MOXD1: variants seen among roughly 807,000 people sequenced by gnomAD.
The protein encoded by MOXD1 is monooxygenase DBH like 1, also known as DBH-like monooxygenase protein 1.
A neutral mutation model predicts 66.6 loss-of-function variants in MOXD1; 62 were observed. The observed-to-expected ratio is 0.93, with a 90% confidence interval of 0.76 to 1.15. The LOEUF (loss-of-function observed/expected upper bound fraction) is 1.15, where lower values mean the gene tolerates loss of function less well. MOXD1 is among the 50% of genes most tolerant of loss of function. The pLI, the probability that MOXD1 is intolerant of heterozygous loss-of-function variation, is 0.00. For missense variants in MOXD1, 847 were observed against 754.6 expected (o/e 1.12, Z -1.44); for synonymous variants, 303 against 281.9 (o/e 1.07, Z -0.75).
intron 7 of MOXD1, among the ~76,000 whole-genome samples, chr6:132,323,150 A>C (rs1340239506): frequency 6.6e-6 from 1 of 152,214 alleles, no homozygotes; most frequent in African/African-American, 2.4e-5. Flanking sequence ...ATAAGAGGCA[A>C]TAAACATTCT....
chr6:132,373,492 G>A (rs901833688), intron 2 of MOXD1, among the ~76,000 whole-genome samples: 8 of 152,108 alleles, frequency 5.3e-5, no homozygotes, highest in African/African-American at 7.2e-5. Flanking sequence ...CTAGTCACAC[G>A]TATACATTTA....
intron 4 of MOXD1, among the ~76,000 whole-genome samples, chr6:132,334,394 C>T (rs773363895): frequency 6.6e-6 from 1 of 152,174 alleles, no homozygotes; most frequent in Non-Finnish European, 1.5e-5. Flanking sequence ...AGTTGCTCAG[C>T]CAGCCATTTT....
At position 132,305,008 on chromosome 6, in the gene MOXD1, G is replaced by A. The variant is rs1562276866; in HGVS notation, c.1509-7053C>T. The stretch of plus-strand genomic sequence containing the variant: ...CTGCTTAAGCCTACCAAACTCCCGA[G>A]GGCAGGGTCGATCAGCACCGCAGCT... On this transcript the variant is annotated intron_variant, in intron 10 of 11. Transcript: ENST00000367963. 2.6e-5 allele frequency among the ~76,000 whole-genome samples: 4 copies of A among 152,180 alleles called. 1 individual carries two copies. The highest frequency in any genetic ancestry group is 9.7e-5 in the African/African-American group (4 of 41,444).
chr6:132,330,910 T>C (rs534489815), intron 4 of MOXD1, among the ~76,000 whole-genome samples: 1 of 152,314 alleles, frequency 6.6e-6, no homozygotes, highest in South Asian at 2.1e-4. Context: ...CTGTGTTACA[T>C]AGCGAGTCAT....
chr6:132,392,697 A>G (rs573546287), intron 1 of MOXD1, among the ~76,000 whole-genome samples: 1 of 152,352 alleles, frequency 6.6e-6, no homozygotes, highest in African/African-American at 2.4e-5. Flanking sequence ...GGCAGCATTC[A>G]AGGGAAATGT....
rs374751992 is a variant in MOXD1, at chr6:132,328,063, G to T, written c.896C>A (p.Pro299Gln). Residue 299 changes from proline (P) to glutamine (Q), a missense_variant, in exon 6 of 12, where the codon CCG (proline) becomes CAG (glutamine). By Grantham distance (76) the Pro-to-Gln change is moderately conservative (BLOSUM62 -1). Transcript: ENST00000367963. The stretch of plus-strand genomic sequence containing the variant: ...ATGGACTTCTAGGAGCACATAATGC[G>T]GATCTAATGGAGTGCCAAGGGATAA... ...VGLSLGTPLD[P>Q]HYVLLEVHYD... The T allele has an allele frequency of 5.0e-6, 8 of 1,613,716 alleles. No individual in the cohort carries two copies. Among genetic ancestry groups the T allele is most frequent in the Non-Finnish European group, 6.8e-6 (8 of 1,179,854 alleles).
intron 4 of MOXD1, among the ~76,000 whole-genome samples, chr6:132,355,674 A>C (rs1016162879): frequency 6.6e-6 from 1 of 152,150 alleles, no homozygotes; most frequent in East Asian, 1.9e-4. Flanking sequence ...ACAAGAAGAG[A>C]GAGCCCAGGC....
chr6:132,304,792 A>G (rs1041926757), intron 10 of MOXD1, among the ~76,000 whole-genome samples: 1 of 152,228 alleles, frequency 6.6e-6, no homozygotes, highest in East Asian at 1.9e-4. Flanking sequence ...TAAAGCCACA[A>G]GAAAATATCA....
At chr6:132,301,305 C>A (rs755951149) in intron 10 of MOXD1, among the ~76,000 whole-genome samples, 2 of 151,616 alleles carry the variant, frequency 1.3e-5, no homozygotes, top group Non-Finnish European at 2.9e-5. Context: ...CATCTAAACT[C>A]TGAGACATGT....
chr6:132,378,287 A>C (rs1229535429), intron 1 of MOXD1, among the ~76,000 whole-genome samples: 1 of 152,102 alleles, frequency 6.6e-6, no homozygotes, highest in Non-Finnish European at 1.5e-5. Flanking sequence ...CTGGAAATCC[A>C]TGTTAATCTC....
At chr6:132,379,640 T>C (rs1242758581) in intron 1 of MOXD1, among the ~76,000 whole-genome samples, 1 of 152,196 alleles carries the variant, frequency 6.6e-6, no homozygotes, top group African/African-American at 2.4e-5. Flanking sequence ...TCTGCTCCAA[T>C]AGTTACAAAT....
intron 1 of MOXD1, among the ~76,000 whole-genome samples, chr6:132,389,381 G>A (rs912651886): frequency 6.6e-6 from 1 of 151,454 alleles, no homozygotes; most frequent in African/African-American, 2.4e-5. Context: ...ATGGAATCTT[G>A]CTTTGTATCC....
intron 4 of MOXD1, among the ~76,000 whole-genome samples, chr6:132,335,125 ATC>A (rs1775410131): frequency 6.6e-6 from 1 of 152,056 alleles, no homozygotes; most frequent in African/African-American, 2.4e-5. Context: ...CTACCTGCTG[ATC>A]TCTCTTCACC....
At chr6:132,301,807 A>T (rs1774544460) in intron 10 of MOXD1, among the ~76,000 whole-genome samples, 2 of 152,164 alleles carry the variant, frequency 1.3e-5, no homozygotes, top group African/African-American at 4.8e-5. Flanking sequence ...TCGACAAACC[A>T]TATGAAACAG....
At chr6:132,366,178 C>T (rs979589151) in intron 4 of MOXD1, among the ~76,000 whole-genome samples, 6 of 151,778 alleles carry the variant, frequency 4.0e-5, no homozygotes, top group African/African-American at 9.7e-5. Flanking sequence ...AGTATTTTCA[C>T]GTAAGATAGA....
At chr6:132,316,694 T>C (rs1479571870) in intron 9 of MOXD1, among the ~76,000 whole-genome samples, 1 of 152,146 alleles carries the variant, frequency 6.6e-6, no homozygotes, top group African/African-American at 2.4e-5. Flanking sequence ...GAAATTGTCC[T>C]ATTCAAATAA....
chr6:132,343,675 A>T (rs1030533071), intron 4 of MOXD1, among the ~76,000 whole-genome samples: 1 of 152,228 alleles, frequency 6.6e-6, no homozygotes, highest in Non-Finnish European at 1.5e-5. Flanking sequence ...TGAAAACAAC[A>T]ATGACATACC....
intron 9 of MOXD1, among the ~76,000 whole-genome samples, chr6:132,320,132 G>A (rs556820924): frequency 9.9e-5 from 15 of 152,234 alleles, no homozygotes; most frequent in African/African-American, 3.4e-4. Context: ...TTGGTGGGAG[G>A]TGTTCCCTCT....
At position 132,382,975 on chromosome 6, in the gene MOXD1, A is replaced by G. The variant is rs574507813; in HGVS notation, c.265-8198T>C. Among the ~76,000 whole-genome samples, 8 of 152,318 alleles carry G rather than the reference A, an allele frequency of 5.3e-5. No individual in the cohort carries two copies. In the East Asian group the frequency reaches 1.5e-3, roughly 29 times the overall value. On this transcript the variant is annotated intron_variant, in intron 1 of 11. Coordinates refer to ENST00000367963, the MANE Select transcript of MOXD1 (RefSeq NM_015529.4). ...GCTGTGTTACACAGGAGGAAGTAAA[A>G]ACTCTTACGGGTATAATAAAAGATA...
Sources: gnomAD v4.1 joint callset for allele counts (sites outside exome capture counted in the v4.1 genomes callset) on GRCh38, gnomAD v4.1.1 for gene constraint, MANE v1.5 for transcripts, NCBI Gene and HGNC (gene_info 2026-07-23, HGNC 2026-07-21) for gene names.